LAMA2: variants seen among roughly 807,000 people sequenced by gnomAD.
The protein encoded by LAMA2 is laminin subunit alpha-2.
A neutral mutation model predicts 364.8 loss-of-function variants in LAMA2; 269 were observed. The ratio of observed to expected loss-of-function variants is 0.74; its 90% CI spans 0.67 to 0.82. The LOEUF is 0.82. Among genes scored for constraint, LAMA2 ranks in the 40% least tolerant of loss-of-function variants. The pLI is 0.00. For synonymous variants in LAMA2, 1,379 were observed against 1,370.6 expected, an observed-to-expected ratio of 1.01 and a Z score of -0.14; for missense variants, 3,807 against 3,873.2, an observed-to-expected ratio of 0.98 and a Z score of 0.45.
At chr6:129,236,743 A>G (rs1420314826) in intron 12 of LAMA2, among the ~76,000 whole-genome samples, 1 of 151,668 alleles carries the variant, frequency 6.6e-6, no homozygotes, top group Non-Finnish European at 1.5e-5. Flanking sequence ...GCACACTCAC[A>G]CACATATAAG....
At chr6:129,399,395 T>C (rs1423982459) in intron 37 of LAMA2, among the ~76,000 whole-genome samples, 1 of 152,204 alleles carries the variant, frequency 6.6e-6, no homozygotes, top group Admixed American at 6.5e-5. Context: ...CAGGAATGGA[T>C]TGAGATTATG....
At chr6:129,444,455 G>T (rs1448430130) in intron 44 of LAMA2, among the ~76,000 whole-genome samples, 2 of 152,134 alleles carry the variant, frequency 1.3e-5, no homozygotes, top group Non-Finnish European at 2.9e-5. Flanking sequence ...CTGTGTTTAT[G>T]CTATCTGTAT....
In LAMA2 at chr6:129,050,038, T is replaced by G. The variant is rs1787883608; in HGVS notation, c.233T>G (p.Val78Gly). The change falls in exon 2 of 65, where the codon GTG becomes GGG. Residue 78 changes from valine (V) to glycine (G), a missense_variant. Val to Gly is a moderately radical substitution (Grantham distance 109). This residue lies in a region of LAMA2 where 394 missense variants were observed against 403.5 expected (regional missense o/e 0.98). Coordinates refer to ENST00000421865, the MANE Select transcript of LAMA2 (RefSeq NM_000426.4). ...KLVEHVPGQP[V>G]RNPQCRICNQ... ...GTAGAACATGTCCCTGGGCAGCCTGTGAGGAACCCGCAGTGTCGAATCTGC... is the reference window on the plus strand; with the variant it reads ...GTAGAACATGTCCCTGGGCAGCCTGGGAGGAACCCGCAGTGTCGAATCTGC... 6.2e-7 allele frequency: 1 copy of G among 1,614,152 alleles called. No homozygotes were observed. Among genetic ancestry groups the G allele is most frequent in the Non-Finnish European group, 8.5e-7 (1 of 1,180,024 alleles).
chr6:129,388,506 A>T (rs1240096584), intron 35 of LAMA2, among the ~76,000 whole-genome samples: 1 of 152,116 alleles, frequency 6.6e-6, no homozygotes, highest in Non-Finnish European at 1.5e-5. Context: ...ATCTGTTGTC[A>T]TTCTTTTTCC....
chr6:129,496,337 TG>T (rs1387086842), intron 58 of LAMA2, among the ~76,000 whole-genome samples: 1 of 152,120 alleles, frequency 6.6e-6, no homozygotes, highest in African/African-American at 2.4e-5. Flanking sequence ...TGGCTAATTT[TG>T]TATTTTTAGT....
intron 1 of LAMA2, among the ~76,000 whole-genome samples, chr6:128,989,413 A>G (rs1278554159): frequency 6.6e-6 from 1 of 152,196 alleles, no homozygotes; most frequent in Non-Finnish European, 1.5e-5. Flanking sequence ...TATTTGAATT[A>G]CCTGCCTAGG....
Position 129,256,329 on chromosome 6 carries a change from C to T in LAMA2, c.2096+4034C>T, listed in dbSNP as rs141550396. ...TGGGTTGTTACATTGTTTATTGATA[C>T]TTAAATGAAATGTCTTTCCAGCCTG... On this transcript the variant is annotated intron_variant, in intron 14 of 64. Coordinates refer to ENST00000421865, the MANE Select transcript of LAMA2 (RefSeq NM_000426.4). Among the ~76,000 whole-genome samples, 10 of 152,116 alleles carry T rather than the reference C, an allele frequency of 6.6e-5. 1 individual carries two copies. The East Asian group carries it at 1.9e-3, about 29-fold the overall frequency.
intron 1 of LAMA2, among the ~76,000 whole-genome samples, chr6:128,911,021 G>A (rs1446747294): frequency 6.6e-6 from 1 of 151,378 alleles, no homozygotes; most frequent in Non-Finnish European, 1.5e-5. Flanking sequence ...CGTACTGGGA[G>A]AACCACTGCT....
intron 1 of LAMA2, among the ~76,000 whole-genome samples, chr6:128,964,621 T>C (rs1335673900): frequency 1.3e-5 from 2 of 152,086 alleles, no homozygotes; most frequent in Non-Finnish European, 2.9e-5. Context: ...TGAAGCAACA[T>C]GTTATAGCCT....
chr6:129,168,482 C>T (rs554266065), intron 9 of LAMA2, among the ~76,000 whole-genome samples: 83 of 152,144 alleles, frequency 5.5e-4, no homozygotes, highest in African/African-American at 1.7e-3. Context: ...TGTACATATG[C>T]GGCGTTATTT....
chr6:128,995,478 C>T (rs192908773), intron 1 of LAMA2, among the ~76,000 whole-genome samples: 22 of 152,286 alleles, frequency 1.4e-4, no homozygotes, highest in South Asian at 1.0e-3. Flanking sequence ...CCTGCCACCA[C>T]GCCTGGATAA....
rs79374915 is a variant in LAMA2 at position 129,512,487 on chromosome 6, T to C, written c.8982T>C (p.Asp2994=). 928 of 1,613,548 alleles carry C rather than the reference T, an allele frequency of 5.8e-4. 14 individuals carry two copies. The African/African-American group carries it at 0.012, about 20-fold the overall frequency. ...ATGGAATGGGTATTGAAATGATTGA[T>C]GAAAAGGTGAGTGTCAGCAATGCAA... ...KMDGMGIEMI[D]EKLMFHVDNG... Residue 2994 remains aspartate, a synonymous_variant, in exon 63 of 65, where the codon GAT becomes GAC. Transcript: ENST00000421865.
At chr6:128,943,245 A>T (rs1303664789) in intron 1 of LAMA2, among the ~76,000 whole-genome samples, 2 of 148,266 alleles carry the variant, frequency 1.3e-5, no homozygotes, top group Non-Finnish European at 3.0e-5. Context: ...AAATACACAG[A>T]GAGAGTGTGT....
intron 12 of LAMA2, among the ~76,000 whole-genome samples, chr6:129,198,222 C>A (rs897237841): frequency 4.0e-5 from 6 of 150,804 alleles, no homozygotes; most frequent in African/African-American, 1.5e-4. Flanking sequence ...ACGCATGTCA[C>A]CTAATATTAT....
chr6:129,320,729 C>T (rs1375115449), intron 28 of LAMA2, 74 bp downstream of exon 28: 2 of 797,874 alleles, frequency 2.5e-6, no homozygotes, highest in South Asian at 1.4e-5. Context: ...CCAGAAGTAC[C>T]TTTACTGCAT....
At chr6:129,462,705 T>A (rs1438053442) in intron 49 of LAMA2, among the ~76,000 whole-genome samples, 1 of 151,964 alleles carries the variant, frequency 6.6e-6, no homozygotes, top group Admixed American at 6.6e-5. Context: ...CCATAAGCCC[T>A]GTTATTTGTA....
chr6:128,910,109 T>C (rs1766424807), intron 1 of LAMA2, among the ~76,000 whole-genome samples: 1 of 152,082 alleles, frequency 6.6e-6, no homozygotes. Flanking sequence ...CTGACAATTA[T>C]GTGTCTTGGA....
At chr6:129,449,070 G>C (rs139507396) in intron 45 of LAMA2, among the ~76,000 whole-genome samples, 1 of 152,300 alleles carries the variant, frequency 6.6e-6, no homozygotes, top group African/African-American at 2.4e-5. Flanking sequence ...AAAAGGAAAA[G>C]ACTACTGATT....
intron 10 of LAMA2, among the ~76,000 whole-genome samples, chr6:129,184,388 T>C (rs185240876): frequency 1.3e-5 from 2 of 152,004 alleles, no homozygotes; most frequent in East Asian, 3.9e-4. Context: ...TAATATTATG[T>C]TAGTCAATTT....
Sources: gnomAD v4.1 joint callset for allele counts (sites outside exome capture counted in the v4.1 genomes callset) on GRCh38, gnomAD v4.1.1 for gene constraint, gnomAD v4.1.1 regional missense constraint, MANE v1.5 for transcripts, NCBI Gene and HGNC (gene_info 2026-07-23, HGNC 2026-07-21) for gene names.